Variants in PREX2 observed in about 807,000 individuals in gnomAD.
The protein encoded by PREX2 is phosphatidylinositol-3,4,5-trisphosphate dependent Rac exchange factor 2, also known as phosphatidylinositol 3,4,5-trisphosphate-dependent Rac exchanger 2 protein.
PREX2 carries 107 observed loss-of-function variants against 203.2 expected under a neutral mutation model. The observed-to-expected ratio is 0.53, with a 90% CI of 0.45 to 0.62. The LOEUF is 0.62. PREX2 is among the 20% of genes least tolerant of loss of function. The probability of loss-of-function intolerance (pLI) is 0.00; values close to 1 mark genes in which losing one functional copy is unlikely to be tolerated. For synonymous variants in PREX2, 672 were observed against 663.6 expected (o/e 1.01, Z -0.19); for missense variants, 1,777 against 1,955.9 (o/e 0.91, Z 1.72).
At chr8:67,965,063 A>G (rs553449694) in intron 1 of PREX2, among the ~76,000 whole-genome samples, 1 of 152,250 alleles carries the variant, frequency 6.6e-6, no homozygotes, top group Admixed American at 6.5e-5. Context: ...AGAAGCTAGA[A>G]ATCAGGAAGG....
chr8:68,234,692 A>G lies in PREX2; in HGVS notation c.*3314A>G, dbSNP rs1282393024. 1 of 152,114 alleles carries G rather than the reference A, an allele frequency of 6.6e-6. No homozygotes were observed. Among genetic ancestry groups the G allele is most frequent in the Non-Finnish European group, 1.5e-5 (1 of 68,022 alleles). 9.4% of individuals were successfully genotyped at this position (152,114 alleles called of 1,614,324 possible). A position where few individuals can be genotyped will look rare whatever the true frequency, so the allele number is the denominator to read the frequency against. ...TAAGCTTTATTTTATCAGTTCGCAA[A>G]TCTGAAGTCTCATACTGTTTTCTGT... On this transcript the variant is annotated 3_prime_UTR_variant, in exon 40 of 40. Coordinates refer to ENST00000288368, the MANE Select transcript of PREX2 (RefSeq NM_024870.4).
chr8:68,098,594 T>G lies in PREX2; in HGVS notation c.2554-1088T>G, dbSNP rs942876680. On this transcript the variant is annotated intron_variant, in intron 22 of 39. Transcript: ENST00000288368. ...TATAATTATTTTCTCATTTTCCAGCTATTTCAAGTTTGCAGAATTACATGG... is the reference window on the plus strand; with the variant it reads ...TATAATTATTTTCTCATTTTCCAGCGATTTCAAGTTTGCAGAATTACATGG... Among the ~76,000 whole-genome samples the G allele has an allele frequency of 2.4e-4, 37 of 152,238 alleles. No individual in the cohort carries two copies. In the East Asian group the frequency reaches 5.4e-3, roughly 22 times the overall value.
intron 1 of PREX2, among the ~76,000 whole-genome samples, chr8:68,006,680 T>G (rs902270295): frequency 6.6e-6 from 1 of 152,176 alleles, no homozygotes; most frequent in Non-Finnish European, 1.5e-5. Context: ...TATGTGCACG[T>G]TCAAGCTTTA....
rs1432444056 is a variant in PREX2, at chr8:68,098,936, GTGTATATATATATATATATA to G, written c.2554-744_2554-725del. Among the ~76,000 whole-genome samples, 31 of 74,840 alleles carry G rather than the reference GTGTATATATATATATATATA, an allele frequency of 4.1e-4. 2 individuals carry two copies. The Admixed American group carries it at 4.6e-3, about 11-fold the overall frequency. The allele number at this position is 74,840 out of a possible 152,430, so 49.1% of individuals were successfully genotyped here. A position where few individuals can be genotyped will look rare whatever the true frequency, so the allele number is the denominator to read the frequency against. ...TTAATCAGAAATGCTACATATATAT[GTGTATATATATATATATATA>G]TATATATATATATATATATATCTCA... On this transcript the variant is annotated intron_variant, in intron 22 of 39. Transcript: ENST00000288368.
intron 18 of PREX2, among the ~76,000 whole-genome samples, chr8:68,083,901 T>G (rs1809605983): frequency 6.6e-6 from 1 of 152,228 alleles, no homozygotes; most frequent in South Asian, 2.1e-4. Context: ...AAAAGTTATG[T>G]TTATTATAGA....
chr8:68,226,230 CT>C (rs1368472251), intron 39 of PREX2, among the ~76,000 whole-genome samples: 1 of 152,184 alleles, frequency 6.6e-6, no homozygotes, highest in Non-Finnish European at 1.5e-5. Flanking sequence ...GCAAAGCACT[CT>C]GCTATGCCCC....
chr8:68,084,697 C>G (rs946123523), intron 18 of PREX2, among the ~76,000 whole-genome samples: 2 of 152,188 alleles, frequency 1.3e-5, no homozygotes, highest in South Asian at 4.1e-4. Flanking sequence ...TGTCTTCCCT[C>G]TAAACCTAAT....
chr8:68,179,704 G>A (rs1812049291), intron 35 of PREX2, among the ~76,000 whole-genome samples: 2 of 152,094 alleles, frequency 1.3e-5, no homozygotes, highest in Non-Finnish European at 2.9e-5. Context: ...CTGCTCTACA[G>A]AATATTGCTT....
At chr8:68,149,812 C>G (rs1243377304) in intron 34 of PREX2, among the ~76,000 whole-genome samples, 1 of 152,166 alleles carries the variant, frequency 6.6e-6, no homozygotes, top group Admixed American at 6.5e-5. Context: ...CCAGGTGATT[C>G]TGGAGTCCAC....
In PREX2 at chr8:67,972,465, T is replaced by G. The variant is rs563177943; in HGVS notation, c.141+19930T>G. On this transcript the variant is annotated intron_variant, in intron 1 of 39. Transcript: ENST00000288368. ...TCGTTGTATTTACTGCTGAATTTAC[T>G]GCATTCTCTTCCTCTTTCAACTGCT... Among the ~76,000 whole-genome samples, 54 of 152,374 alleles carry G rather than the reference T, an allele frequency of 3.5e-4. 2 individuals are homozygous for G. The South Asian group carries it at 7.7e-3, about 22-fold the overall frequency.
intron 1 of PREX2, among the ~76,000 whole-genome samples, chr8:67,994,907 T>A (rs1313745004): frequency 6.6e-6 from 1 of 152,190 alleles, no homozygotes; most frequent in African/African-American, 2.4e-5. Flanking sequence ...CTATAAGACA[T>A]TTTATGCTAA....
chr8:68,090,839 A>G lies in PREX2; in HGVS notation c.2250+124A>G, dbSNP rs11988899. On this transcript the variant is annotated intron_variant, in intron 20 of 39. Transcript: ENST00000288368. ...TTTTAAGTTTAAAATTAAACACAGCATTATAAATCTCATAATGATTGCTTT... is the reference window on the plus strand; with the variant it reads ...TTTTAAGTTTAAAATTAAACACAGCGTTATAAATCTCATAATGATTGCTTT... 6,290 of 632,140 alleles carry G rather than the reference A, an allele frequency of 1.0e-2. 165 individuals are homozygous for G. Among genetic ancestry groups the G allele is most frequent in the African/African-American group, 0.073 (4,045 of 55,140 alleles). The allele number at this position is 632,140 out of a possible 1,614,324, so 39.2% of individuals were successfully genotyped here. A position where few individuals can be genotyped will look rare whatever the true frequency, so the allele number is the denominator to read the frequency against.
intron 30 of PREX2, among the ~76,000 whole-genome samples, chr8:68,124,404 C>A (rs1816488): frequency 0.025 from 3,848 of 152,056 alleles, 148 homozygotes; most frequent in African/African-American, 0.086. Flanking sequence ...AACCAAATAC[C>A]ACATGTTCTC....
rs142429987 is a variant in PREX2 at position 67,972,891 on chromosome 8, T to C, written c.141+20356T>C. 5.1e-3 allele frequency among the ~76,000 whole-genome samples: 771 copies of C among 152,256 alleles called. 3 individuals carry two copies. Among genetic ancestry groups the C allele is most frequent in the Non-Finnish European group, 8.8e-3 (596 of 68,014 alleles). ...AGGACATTCCATTGTATGTCTCACT[T>C]TTGCCTCAAACTCAACATGTGCAAA... On this transcript the variant is annotated intron_variant, in intron 1 of 39. Coordinates refer to ENST00000288368, the MANE Select transcript of PREX2 (RefSeq NM_024870.4).
chr8:68,202,175 C>A (rs1391392960), intron 37 of PREX2, among the ~76,000 whole-genome samples: 1 of 152,118 alleles, frequency 6.6e-6, no homozygotes, highest in Non-Finnish European at 1.5e-5. Context: ...GCTGGGATTA[C>A]AGGGGTGAGC....
At chr8:68,076,470 C>T (rs1030748) in intron 14 of PREX2, among the ~76,000 whole-genome samples, 80,912 of 151,392 alleles carry the variant, frequency 0.53, 21,601 homozygotes, top group South Asian at 0.56. Context: ...AAAAAAATAG[C>T]TTAATTGTTA....
chr8:68,117,430 T>G (rs1301937463), intron 26 of PREX2, among the ~76,000 whole-genome samples: 1 of 152,214 alleles, frequency 6.6e-6, no homozygotes, highest in Non-Finnish European at 1.5e-5. Context: ...ATCAGACAGA[T>G]TAACCACTTT....
At chr8:68,142,486 T>C (rs1897873) in intron 33 of PREX2, among the ~76,000 whole-genome samples, 64,850 of 152,038 alleles carry the variant, frequency 0.43, 15,235 homozygotes, top group African/African-American at 0.62. Flanking sequence ...TTCTTTTTAG[T>C]ACAGAAGAAA....
intron 14 of PREX2, among the ~76,000 whole-genome samples, chr8:68,076,929 G>A (rs1055667889): frequency 3.9e-5 from 6 of 152,002 alleles, no homozygotes; most frequent in Middle Eastern, 3.2e-3. Context: ...ACAAGTCATC[G>A]TAGATTAATA....
Sources: allele counts gnomAD v4.1 joint callset (sites outside exome capture counted in the v4.1 genomes callset), GRCh38; gene constraint gnomAD v4.1.1; transcripts MANE v1.5; gene names NCBI Gene and HGNC (gene_info 2026-07-23, HGNC 2026-07-21).